Variants in TENM3 observed in about 807,000 individuals in gnomAD.
TENM3 encodes teneurin transmembrane protein 3.
TENM3 carries 63 observed loss-of-function variants against 255.1 expected under a neutral mutation model. The observed-to-expected ratio is 0.25, with a 90% CI of 0.20 to 0.30. The LOEUF is 0.30. TENM3 is among the 10% of genes least tolerant of loss of function. The probability of loss-of-function intolerance (pLI) is 1.00; values close to 1 mark genes in which losing one functional copy is unlikely to be tolerated. For missense variants in TENM3, 2,929 were observed against 3,461.1 expected (o/e 0.85, Z 3.86); for synonymous variants, 1,306 against 1,322.3 (o/e 0.99, Z 0.27).
chr4:182,673,704 C>G (rs1755415335), intron 7 of TENM3, among the ~76,000 whole-genome samples: 1 of 152,202 alleles, frequency 6.6e-6, no homozygotes, highest in Admixed American at 6.5e-5. Context: ...TTTATCAACT[C>G]AGGCGCCGTG....
the TENM3 span, among the ~76,000 whole-genome samples, chr4:181,907,887 C>A: frequency 1.3e-5 from 2 of 152,110 alleles, no homozygotes; most frequent in Non-Finnish European, 2.9e-5. Flanking sequence ...TAAGACACTC[C>A]ATGCATTTAA....
At chr4:182,622,180 T>C (rs1343966900) in intron 4 of TENM3, among the ~76,000 whole-genome samples, 1 of 151,912 alleles carries the variant, frequency 6.6e-6, no homozygotes, top group Non-Finnish European at 1.5e-5. Flanking sequence ...GCCAACATGA[T>C]GAAACCTCGT....
chr4:182,479,723 T>C (rs564600965), intron 3 of TENM3, among the ~76,000 whole-genome samples: 1 of 152,128 alleles, frequency 6.6e-6, no homozygotes, highest in Non-Finnish European at 1.5e-5. Flanking sequence ...AAATTGTTTT[T>C]TGTCATTTTC....
At chr4:181,605,536 A>T in the TENM3 span, among the ~76,000 whole-genome samples, 3,249 of 29,612 alleles carry the variant, frequency 0.11, 553 homozygotes, top group Non-Finnish European at 0.19. Context: ...GAAAGAAAGA[A>T]AGAAAGAAAG....
the TENM3 span, among the ~76,000 whole-genome samples, chr4:181,848,715 A>G: frequency 2.6e-5 from 4 of 152,180 alleles, no homozygotes; most frequent in Non-Finnish European, 5.9e-5. Flanking sequence ...ATCCCAAAGA[A>G]CAAATTTGTT....
At chr4:181,753,337 G>A in the TENM3 span, among the ~76,000 whole-genome samples, 1 of 152,054 alleles carries the variant, frequency 6.6e-6, no homozygotes, top group Non-Finnish European at 1.5e-5. Flanking sequence ...ATGAGCAGAG[G>A]CAACCTATGC....
the TENM3 span, among the ~76,000 whole-genome samples, chr4:181,732,470 C>G: frequency 6.6e-6 from 1 of 152,048 alleles, no homozygotes; most frequent in Middle Eastern, 3.4e-3. Flanking sequence ...AGAATAAAAA[C>G]GTAATGATTA....
the TENM3 span, among the ~76,000 whole-genome samples, chr4:181,716,446 C>T: frequency 2.6e-5 from 4 of 152,138 alleles, no homozygotes; most frequent in Admixed American, 6.6e-5. Flanking sequence ...ACCTCAATTC[C>T]GATCAGCCAT....
chr4:182,511,029 C>G (rs1737341363), intron 3 of TENM3, among the ~76,000 whole-genome samples: 1 of 152,158 alleles, frequency 6.6e-6, no homozygotes, highest in Non-Finnish European at 1.5e-5. Flanking sequence ...CAGTGTTCCT[C>G]AGCTGTGACA....
chr4:182,439,003 G>A (rs1561447587), intron 3 of TENM3, among the ~76,000 whole-genome samples: 1 of 152,166 alleles, frequency 6.6e-6, no homozygotes, highest in Non-Finnish European at 1.5e-5. Context: ...AAATCTACAC[G>A]TGGACACTTG....
upstream of TENM3, among the ~76,000 whole-genome samples, chr4:182,140,628 C>T (rs147687976): frequency 3.0e-3 from 460 of 152,306 alleles, 4 homozygotes; most frequent in African/African-American, 0.01. Flanking sequence ...ACCCGGCGGT[C>T]CCCTTCTGCA....
At chr4:182,556,152 C>T (rs922497742) in intron 3 of TENM3, among the ~76,000 whole-genome samples, 11 of 152,308 alleles carry the variant, frequency 7.2e-5, no homozygotes, top group African/African-American at 2.6e-4. Flanking sequence ...AACCTCCCAC[C>T]TTCCTAGTAG....
chr4:181,880,412 A>C, the TENM3 span, among the ~76,000 whole-genome samples: 1 of 152,356 alleles, frequency 6.6e-6, no homozygotes, highest in Admixed American at 6.5e-5. Flanking sequence ...ACAAATAAAC[A>C]TATGAATGTT....
At chr4:181,703,338 A>T in the TENM3 span, among the ~76,000 whole-genome samples, 1 of 152,100 alleles carries the variant, frequency 6.6e-6, no homozygotes, top group Admixed American at 6.5e-5. Context: ...GTGCTTGGGG[A>T]TTTGAATAAC....
chr4:181,461,711 G>T, the TENM3 span, among the ~76,000 whole-genome samples: 1 of 151,990 alleles, frequency 6.6e-6, no homozygotes, highest in Non-Finnish European at 1.5e-5. Context: ...GTTCCACTGG[G>T]TTTCTTTTCT....
intron 3 of TENM3, among the ~76,000 whole-genome samples, chr4:182,392,646 G>A (rs1370510860): frequency 1.3e-5 from 2 of 152,100 alleles, no homozygotes; most frequent in African/African-American, 4.8e-5. Flanking sequence ...AGGCAAAGCC[G>A]CCAAACCTAG....
chr4:181,529,743 G>A, the TENM3 span, among the ~76,000 whole-genome samples: 1 of 152,144 alleles, frequency 6.6e-6, no homozygotes, highest in Admixed American at 6.5e-5. Context: ...TGTGGCCAGG[G>A]GCAAACATTC....
chr4:181,693,748 A>T, the TENM3 span, among the ~76,000 whole-genome samples: 1 of 151,932 alleles, frequency 6.6e-6, no homozygotes, highest in Non-Finnish European at 1.5e-5. Flanking sequence ...CGGAAATCCT[A>T]CCCTCAGGCA....
the TENM3 span, among the ~76,000 whole-genome samples, chr4:181,682,645 G>GAAT: frequency 1.3e-5 from 2 of 152,132 alleles, no homozygotes; most frequent in African/African-American, 4.8e-5. Flanking sequence ...GTACCACATG[G>GAAT]AATACCATCA....
Sources: allele counts gnomAD v4.1 joint callset (sites outside exome capture counted in the v4.1 genomes callset), GRCh38; gene constraint gnomAD v4.1.1; transcripts MANE v1.5; gene names NCBI Gene and HGNC (gene_info 2026-07-23, HGNC 2026-07-21).